Variants in AAGAB observed in about 807,000 individuals in gnomAD.
AAGAB encodes alpha- and gamma-adaptin-binding protein p34.
AAGAB carries 38 observed loss-of-function variants against 44.1 expected under a neutral mutation model. That is an observed-to-expected ratio of 0.86 (90% CI 0.67 to 1.13). The LOEUF (loss-of-function observed/expected upper bound fraction) is 1.13. Among genes scored for constraint, AAGAB ranks in the 50% most tolerant of loss-of-function variants. The pLI is 0.00. For missense variants in AAGAB, 450 were observed against 373.8 expected (o/e 1.20, Z -1.68); for synonymous variants, 131 against 131.8 (o/e 0.99, Z 0.04).
intron 1 of AAGAB, among the ~76,000 whole-genome samples, chr15:67,237,158 T>G (rs1031252851): frequency 6.6e-6 from 1 of 152,180 alleles, no homozygotes; most frequent in Non-Finnish European, 1.5e-5. Flanking sequence ...ATTTATTGTA[T>G]TGCTTAAGTA....
At position 67,232,520 on chromosome 15, in the gene AAGAB, T is replaced by G. The variant is rs527764115; in HGVS notation, c.452-623A>C. The G allele has an allele frequency of 1.1e-4, 41 of 374,610 alleles. 1 individual carries two copies. In the Middle Eastern group the frequency reaches 3.9e-3, roughly 36 times the overall value. 23.2% of individuals were successfully genotyped at this position (374,610 alleles called of 1,614,324 possible). On this transcript the variant is annotated intron_variant, in intron 4 of 9. Coordinates refer to ENST00000261880, the MANE Select transcript of AAGAB (RefSeq NM_024666.5). ...TACTTCAGTGAAAACAAATGGTCATTGATGTCCTTCACCCCGGGAAGGCAA... is the reference window on the plus strand; with the variant it reads ...TACTTCAGTGAAAACAAATGGTCATGGATGTCCTTCACCCCGGGAAGGCAA...
chr15:67,201,658 T>C lies in AAGAB; in HGVS notation c.*1163A>G, dbSNP rs945021693. ...ATGATCACAGTGAGGGCTAATGATA[T>C]GCATTACAAAGTCTACAAAAACAAA... On this transcript the variant is annotated 3_prime_UTR_variant, in exon 10 of 10. Coordinates refer to ENST00000261880, the MANE Select transcript of AAGAB (RefSeq NM_024666.5). 6.6e-6 allele frequency: 1 copy of C among 152,320 alleles called. No homozygotes were observed. Among genetic ancestry groups the C allele is most frequent in the Non-Finnish European group, 1.5e-5 (1 of 68,028 alleles). The allele number at this position is 152,320 out of a possible 1,614,324, so 9.4% of individuals were successfully genotyped here.
At position 67,241,040 on chromosome 15, in the gene AAGAB, T is replaced by TACACACACACACACACACAC. The variant is rs10525823; in HGVS notation, c.74-4240_74-4221dup. On this transcript the variant is annotated intron_variant, in intron 1 of 9. Coordinates refer to ENST00000261880, the MANE Select transcript of AAGAB (RefSeq NM_024666.5). ...CAAACACCACAAATATCTGTTCTCC[T>TACACACACACACACACACAC]ACACACACACACACACACACACACA... 5.4e-4 allele frequency among the ~76,000 whole-genome samples: 80 copies of TACACACACACACACACACAC among 147,182 alleles called. 1 individual carries two copies. The highest frequency in any genetic ancestry group is 1.8e-3 in the East Asian group (9 of 5,020).
intron 5 of AAGAB, among the ~76,000 whole-genome samples, chr15:67,212,045 A>G (rs1000101542): frequency 1.3e-5 from 2 of 152,016 alleles, no homozygotes; most frequent in Admixed American, 6.6e-5. Context: ...ACGCCCGACT[A>G]ATTTTTTTTG....
intron 1 of AAGAB, chr15:67,254,331 C>A: frequency 1.6e-6 from 2 of 1,251,946 alleles, no homozygotes; most frequent in East Asian, 5.4e-5. Context: ...AAATCAGTCT[C>A]ACTTTACACA....
At chr15:67,233,210 C>A (rs546133401) in intron 4 of AAGAB, among the ~76,000 whole-genome samples, 1 of 152,272 alleles carries the variant, frequency 6.6e-6, no homozygotes, top group Non-Finnish European at 1.5e-5. Flanking sequence ...TATAGAAGAA[C>A]TTCTTGATCA....
intron 2 of AAGAB, 60 bp downstream of exon 2, chr15:67,236,570 G>A (rs968277972): frequency 6.2e-7 from 1 of 1,600,224 alleles, no homozygotes; most frequent in Non-Finnish European, 8.5e-7. Context: ...AATGTAATGG[G>A]AAAAAAAGAA....
chr15:67,215,790 T>C (rs1195509044), intron 5 of AAGAB, among the ~76,000 whole-genome samples: 2 of 152,254 alleles, frequency 1.3e-5, no homozygotes, highest in Non-Finnish European at 2.9e-5. Context: ...AATCCACTTC[T>C]TGGCAAACTG....
rs868418659 is a variant in AAGAB, at chr15:67,203,548, C to T, written c.870G>A (p.Lys290=). The change falls in exon 9 of 10, where the codon AAG becomes AAA. Residue 290 remains lysine (K), a splice_region_variant and synonymous_variant. Transcript: ENST00000261880. The stretch of plus-strand genomic sequence containing the variant: ...ATAAATACCTGGCTGATTGTCTCAC[C>T]TTTTCTGCATGCACTTTTCTTTGCT... ...PHEQRKVHAE[K]VAKAFWMAIG... is the part of the protein sequence containing the mutation. The T allele has an allele frequency of 1.2e-6, 2 of 1,613,324 alleles. No homozygotes were observed. Among genetic ancestry groups the T allele is most frequent in the African/African-American group, 2.7e-5 (2 of 74,904 alleles).
At chr15:67,215,979 C>G (rs1402548239) in intron 5 of AAGAB, among the ~76,000 whole-genome samples, 1 of 152,154 alleles carries the variant, frequency 6.6e-6, no homozygotes, top group African/African-American at 2.4e-5. Flanking sequence ...GAAAGTGAAT[C>G]TGCTCTCCCT....
chr15:67,249,501 T>C (rs1964810757), intron 1 of AAGAB, among the ~76,000 whole-genome samples: 2 of 152,244 alleles, frequency 1.3e-5, no homozygotes, highest in African/African-American at 2.4e-5. Flanking sequence ...CTATCAGGTA[T>C]GCATAATGCT....
rs145909857 is a variant in AAGAB at position 67,230,195 on chromosome 15, A to C, written c.535+1619T>G. Among the ~76,000 whole-genome samples the C allele has an allele frequency of 7.1e-3, 1,088 of 152,190 alleles. 14 individuals are homozygous for C. The highest frequency in any genetic ancestry group is 0.025 in the African/African-American group (1,042 of 41,528). On this transcript the variant is annotated intron_variant, in intron 5 of 9. Coordinates refer to ENST00000261880, the MANE Select transcript of AAGAB (RefSeq NM_024666.5). ...CATTCCCTTCTGTAGTGTCTCACTC[A>C]GCATACTTGTTGAGGCAGCCAAGAG...
chr15:67,213,246 C>A (rs778031458), intron 5 of AAGAB, among the ~76,000 whole-genome samples: 3 of 152,056 alleles, frequency 2.0e-5, no homozygotes, highest in African/African-American at 7.2e-5. Flanking sequence ...AAAAATCTGG[C>A]GGTGCTGGTC....
chr15:67,215,337 G>A (rs1963919348), intron 5 of AAGAB, among the ~76,000 whole-genome samples: 1 of 152,124 alleles, frequency 6.6e-6, no homozygotes, highest in Non-Finnish European at 1.5e-5. Context: ...GTCAGGCAGA[G>A]GCTGCAAGCA....
At chr15:67,228,245 C>T (rs1466434338) in intron 5 of AAGAB, among the ~76,000 whole-genome samples, 3 of 152,176 alleles carry the variant, frequency 2.0e-5, no homozygotes, top group Admixed American at 2.0e-4. Context: ...GAAAATAGTT[C>T]TCATAAATAT....
At chr15:67,243,913 G>C (rs1964662167) in intron 1 of AAGAB, among the ~76,000 whole-genome samples, 1 of 151,988 alleles carries the variant, frequency 6.6e-6, no homozygotes, top group Non-Finnish European at 1.5e-5. Flanking sequence ...ATTAACCTTA[G>C]AAACTTTGAA....
intron 4 of AAGAB, among the ~76,000 whole-genome samples, chr15:67,235,352 T>C (rs1964436093): frequency 6.6e-6 from 1 of 152,240 alleles, no homozygotes; most frequent in Non-Finnish European, 1.5e-5. Context: ...TATAAGGTTT[T>C]GGTGAACCAA....
rs796392666 is a variant in AAGAB, at chr15:67,200,956, G to T, written c.*1865C>A. The T allele has an allele frequency of 2.0e-5, 3 of 152,378 alleles. No homozygotes were observed. The highest frequency in any genetic ancestry group is 7.2e-5 in the African/African-American group (3 of 41,522). The allele number at this position is 152,378 out of a possible 1,614,324, so 9.4% of individuals were successfully genotyped here. ...CACTATATATGTCTAATCCAATGAA[G>T]GATATAGGGCTTCCCTCACTCATAC... On this transcript the variant is annotated 3_prime_UTR_variant, in exon 10 of 10. Coordinates refer to ENST00000261880, the MANE Select transcript of AAGAB (RefSeq NM_024666.5).
At position 67,236,948 on chromosome 15, in the gene AAGAB, C is replaced by T. The variant is rs561148993; in HGVS notation, c.74-128G>A. On this transcript the variant is annotated intron_variant, in intron 1 of 9. Transcript: ENST00000261880. Reference sequence around the variant, plus strand: ...CTTTTATGTGAGGATTTCAAAGGACCCTGCATTTATTAGCTTTAATCCTAT... The same window carrying T: ...CTTTTATGTGAGGATTTCAAAGGACTCTGCATTTATTAGCTTTAATCCTAT... The T allele has an allele frequency of 1.7e-5, 11 of 657,866 alleles. No homozygotes were observed. In the South Asian group the frequency reaches 2.5e-4, roughly 15 times the overall value. The allele number at this position is 657,866 out of a possible 1,614,324, so 40.8% of individuals were successfully genotyped here. A position where few individuals can be genotyped will look rare whatever the true frequency, so the allele number is the denominator to read the frequency against.
Sources: gnomAD v4.1 joint callset for allele counts (sites outside exome capture counted in the v4.1 genomes callset) on GRCh38, gnomAD v4.1.1 for gene constraint, MANE v1.5 for transcripts, NCBI Gene and HGNC (gene_info 2026-07-23, HGNC 2026-07-21) for gene names.